Variants in CSRNP3 observed in about 807,000 individuals in gnomAD.
The protein encoded by CSRNP3 is cysteine and serine rich nuclear protein 3.
Under a neutral mutation model 48.0 loss-of-function variants are expected in CSRNP3, and 12 were observed. The ratio of observed to expected loss-of-function variants is 0.25; its 90% CI spans 0.16 to 0.41. The LOEUF is 0.41. CSRNP3 is among the 10% of genes least tolerant of loss of function. The probability of loss-of-function intolerance (pLI) is 1.00; values close to 1 mark genes in which losing one functional copy is unlikely to be tolerated. For missense variants in CSRNP3, 580 were observed against 724.4 expected, an observed-to-expected ratio of 0.80 and a Z score of 2.29; for synonymous variants, 263 against 269.7, an observed-to-expected ratio of 0.98 and a Z score of 0.24.
At position 165,666,179 on chromosome 2, in the gene CSRNP3, G is replaced by T. The variant is rs1441700853; in HGVS notation, c.408+8159G>T. Among the ~76,000 whole-genome samples the T allele has an allele frequency of 2.6e-3, 368 of 141,732 alleles. 2 individuals are homozygous for T. The highest frequency in any genetic ancestry group is 9.1e-3 in the African/African-American group (345 of 37,726). 93.0% of individuals were successfully genotyped at this position (141,732 alleles called of 152,430 possible). ...AAGAAAGAGAGAGAGAGAAAGGAAG[G>T]AAGGAAGGGAGGAAAGAGAGAGAGG... On this transcript the variant is annotated intron_variant, in intron 5 of 6. Coordinates refer to ENST00000651982, the MANE Select transcript of CSRNP3 (RefSeq NM_001172173.2).
intron 2 of CSRNP3, among the ~76,000 whole-genome samples, chr2:165,514,125 A>G (rs931173996): frequency 9.9e-5 from 15 of 152,258 alleles, no homozygotes; most frequent in African/African-American, 3.6e-4. Flanking sequence ...TATTTATATA[A>G]GTATACAGTT....
In CSRNP3 at chr2:165,681,752, T is replaced by C. The variant is rs1014379729; in HGVS notation, c.*1999T>C. On this transcript the variant is annotated 3_prime_UTR_variant, in exon 7 of 7. Coordinates refer to ENST00000651982, the MANE Select transcript of CSRNP3 (RefSeq NM_001172173.2). ...ATATATATATATATATATATATATA[T>C]ATATATATACACACACACACACACA... The C allele has an allele frequency of 4.4e-4, 44 of 100,904 alleles. No individual in the cohort carries two copies. Among genetic ancestry groups the C allele is most frequent in the African/African-American group, 1.5e-3 (44 of 28,692 alleles). The allele number at this position is 100,904 out of a possible 1,614,324, so 6.3% of individuals were successfully genotyped here. A position where few individuals can be genotyped will look rare whatever the true frequency, so the allele number is the denominator to read the frequency against.
At chr2:165,654,828 C>G (rs1417595235) in intron 4 of CSRNP3, among the ~76,000 whole-genome samples, 1 of 152,112 alleles carries the variant, frequency 6.6e-6, no homozygotes, top group African/African-American at 2.4e-5. Context: ...CAGGATTTCA[C>G]CATGTTAGCC....
chr2:165,503,323 A>G (rs1267056108), intron 2 of CSRNP3, among the ~76,000 whole-genome samples: 3 of 151,946 alleles, frequency 2.0e-5, no homozygotes, highest in Admixed American at 6.6e-5. Flanking sequence ...TGAATAATAT[A>G]TTATTTGTTA....
chr2:165,595,506 G>A (rs75250930), intron 4 of CSRNP3, among the ~76,000 whole-genome samples: 1,625 of 152,126 alleles, frequency 0.011, 22 homozygotes, highest in African/African-American at 0.037. Flanking sequence ...GAATAGATGA[G>A]GGAAGACAAA....
intron 4 of CSRNP3, among the ~76,000 whole-genome samples, chr2:165,609,808 G>C (rs1686105691): frequency 6.6e-6 from 1 of 152,118 alleles, no homozygotes; most frequent in South Asian, 2.1e-4. Context: ...AGAGAAGCCT[G>C]GAAAAGATCG....
intron 3 of CSRNP3, 146 bp from the exon 4 acceptor site, chr2:165,594,897 A>G: frequency 1.9e-6 from 1 of 531,376 alleles, no homozygotes; most frequent in Non-Finnish European, 3.2e-6. Flanking sequence ...TGAAAATAGA[A>G]AAAAAAATCT....
intron 3 of CSRNP3, among the ~76,000 whole-genome samples, chr2:165,581,947 A>C (rs1053296938): frequency 7.2e-5 from 11 of 152,226 alleles, no homozygotes; most frequent in Admixed American, 3.9e-4. Context: ...ATTTATGTCT[A>C]TTCATTTACT....
chr2:165,619,380 A>C (rs1686302542), intron 4 of CSRNP3, among the ~76,000 whole-genome samples: 1 of 152,130 alleles, frequency 6.6e-6, no homozygotes, highest in African/African-American at 2.4e-5. Flanking sequence ...ATGGAGTCAT[A>C]TTGACTCTTT....
At chr2:165,520,598 T>A (rs1209904324) in intron 3 of CSRNP3, among the ~76,000 whole-genome samples, 2 of 151,546 alleles carry the variant, frequency 1.3e-5, no homozygotes, top group Non-Finnish European at 2.9e-5. Context: ...GCAGGTATTT[T>A]AAGCAGTATA....
Position 165,682,578 on chromosome 2 carries a change from AG to A in CSRNP3, c.*2826del, listed in dbSNP as rs574228801. On this transcript the variant is annotated 3_prime_UTR_variant, in exon 7 of 7. Transcript: ENST00000651982. ...TTTATGATCTAAAAAAATGTGGTTT[AG>A]AAAAGAGGATAATTGGTAGAGCTGT... The A allele has an allele frequency of 5.2e-4, 79 of 152,294 alleles. No homozygotes were observed. Among genetic ancestry groups the A allele is most frequent in the African/African-American group, 1.7e-3 (69 of 41,584 alleles). The allele number at this position is 152,294 out of a possible 1,614,324, so 9.4% of individuals were successfully genotyped here. A position where few individuals can be genotyped will look rare whatever the true frequency, so the allele number is the denominator to read the frequency against.
At chr2:165,618,080 T>C (rs372044738) in intron 4 of CSRNP3, among the ~76,000 whole-genome samples, 60 of 152,348 alleles carry the variant, frequency 3.9e-4, no homozygotes, top group African/African-American at 1.2e-3. Context: ...ATGAATTTCC[T>C]CTCTAGAACA....
At chr2:165,540,373 T>G (rs1212224697) in intron 3 of CSRNP3, among the ~76,000 whole-genome samples, 1 of 152,140 alleles carries the variant, frequency 6.6e-6, no homozygotes, top group Non-Finnish European at 1.5e-5. Context: ...CAGAAGCTTA[T>G]AAAGTTTCTC....
At chr2:165,483,499 A>G (rs762526766) in intron 1 of CSRNP3, among the ~76,000 whole-genome samples, 15 of 152,210 alleles carry the variant, frequency 9.9e-5, no homozygotes, top group African/African-American at 3.4e-4. Flanking sequence ...TAATCTCCTT[A>G]TATTCTTTTA....
Position 165,678,911 on chromosome 2 carries a change from G to T in CSRNP3, c.916G>T (p.Ala306Ser). ...SAHSSSMGPV[A>S]HSVEYSIADS... ...TCACAGTAGTTCTATGGGCCCTGTCGCTCACTCCGTAGAATATTCAATCGC... is the reference window on the plus strand; with the variant it reads ...TCACAGTAGTTCTATGGGCCCTGTCTCTCACTCCGTAGAATATTCAATCGC... Residue 306 changes from alanine to serine, a missense_variant, in exon 7 of 7, where the codon GCT (alanine) becomes TCT (serine). By Grantham distance (99) the Ala-to-Ser change is moderately conservative (BLOSUM62 1). Coordinates refer to ENST00000651982, the MANE Select transcript of CSRNP3 (RefSeq NM_001172173.2). 6 of 1,614,010 alleles carry T rather than the reference G, an allele frequency of 3.7e-6. No homozygotes were observed. Among genetic ancestry groups the T allele is most frequent in the South Asian group, 2.2e-5 (2 of 91,068 alleles).
At position 165,526,485 on chromosome 2, in the gene CSRNP3, A is replaced by G. The variant is rs563913300; in HGVS notation, c.-24+8524A>G. Among the ~76,000 whole-genome samples the G allele has an allele frequency of 2.0e-5, 3 of 152,344 alleles. No individual in the cohort carries two copies. The South Asian group carries it at 6.2e-4, about 32-fold the overall frequency. ...GAGAGCTTTTCACACAAAAGTTCTG[A>G]TGACCTCTAAACTTAAAAATTAAAA... On this transcript the variant is annotated intron_variant, in intron 3 of 6. Coordinates refer to ENST00000651982, the MANE Select transcript of CSRNP3 (RefSeq NM_001172173.2).
At chr2:165,581,161 C>T (rs1484569064) in intron 3 of CSRNP3, among the ~76,000 whole-genome samples, 1 of 152,154 alleles carries the variant, frequency 6.6e-6, no homozygotes, top group Admixed American at 6.5e-5. Context: ...TTCCACTATA[C>T]CATTTTGCCA....
rs1684642634 is a variant in CSRNP3, at chr2:165,520,773, TATATATATATTATA to T, written c.-24+2813_-24+2826del. Among the ~76,000 whole-genome samples, 114 of 58,460 alleles carry T rather than the reference TATATATATATTATA, an allele frequency of 2.0e-3. 2 individuals carry two copies. The highest frequency in any genetic ancestry group is 7.3e-3 in the African/African-American group (109 of 14,948). The allele number at this position is 58,460 out of a possible 152,430, so 38.4% of individuals were successfully genotyped here. On this transcript the variant is annotated intron_variant, in intron 3 of 6. Coordinates refer to ENST00000651982, the MANE Select transcript of CSRNP3 (RefSeq NM_001172173.2). ...TAAATAGATATATAGAAATATATTA[TATATATATATTATA>T]TATATATATATATATATATATATAT...
At chr2:165,516,706 T>G (rs1368371737) in intron 2 of CSRNP3, among the ~76,000 whole-genome samples, 1 of 152,170 alleles carries the variant, frequency 6.6e-6, no homozygotes. Context: ...CCAAACTGAC[T>G]CAATAACCTC....
Sources: allele counts gnomAD v4.1 joint callset (sites outside exome capture counted in the v4.1 genomes callset), GRCh38; gene constraint gnomAD v4.1.1; transcripts MANE v1.5; gene names NCBI Gene and HGNC (gene_info 2026-07-23, HGNC 2026-07-21).